ZFYVE9: variants seen among roughly 807,000 people sequenced by gnomAD.
ZFYVE9 encodes zinc finger FYVE domain-containing protein 9.
ZFYVE9 carries 43 observed loss-of-function variants against 126.7 expected under a neutral mutation model. The ratio of observed to expected loss-of-function variants is 0.34; its 90% CI spans 0.27 to 0.44. The LOEUF (loss-of-function observed/expected upper bound fraction) is 0.44. Ranked by LOEUF, ZFYVE9 falls within the 20% of genes least tolerant of loss-of-function variation. The probability of loss-of-function intolerance (pLI) is 1.00; values close to 1 mark genes in which losing one functional copy is unlikely to be tolerated. For missense variants in ZFYVE9, 1,476 were observed against 1,697.0 expected (o/e 0.87, Z 2.29); for synonymous variants, 521 against 597.4 (o/e 0.87, Z 1.87).
chr1:52,171,618 A>C (rs945483803), intron 1 of ZFYVE9, among the ~76,000 whole-genome samples: 2 of 152,152 alleles, frequency 1.3e-5, no homozygotes, highest in Admixed American at 1.3e-4. Context: ...TCCCACCAAC[A>C]GTGTAAAAGT....
At chr1:52,150,123 G>GCGC (rs776461877) in intron 1 of ZFYVE9, 2 of 152,300 alleles carry the variant, frequency 1.3e-5, no homozygotes, top group East Asian at 3.9e-4. Context: ...GGTGGCATGT[G>GCGC]CGTCTAGTCT....
At chr1:52,336,361 TTTTTTTG>T (rs1346996921) in intron 15 of ZFYVE9, among the ~76,000 whole-genome samples, 4 of 118,562 alleles carry the variant, frequency 3.4e-5, no homozygotes, top group Non-Finnish European at 5.2e-5. Context: ...TCTAAGAGGT[TTTTTTTG>T]TTTTTTTTTT....
rs752647409 is a variant in ZFYVE9, at chr1:52,293,586, C to T, written c.3159C>T (p.Tyr1053=). The T allele has an allele frequency of 2.5e-6, 4 of 1,614,046 alleles. No homozygotes were observed. The South Asian group carries it at 4.4e-5, about 18-fold the overall frequency. The change falls in exon 11 of 19, where the codon TAC becomes TAT. Residue 1053 remains tyrosine (Y), a synonymous_variant. Coordinates refer to ENST00000287727, the MANE Select transcript of ZFYVE9 (RefSeq NM_004799.4). ...ACCTAGTACTCCCAACCCCACCTTA[C>T]TTGTTTGGGATTCTTATCCAGAAAT... ...LQDLVLPTPP[Y]LFGILIQKWE...
chr1:52,267,677 A>C (rs571489280), intron 6 of ZFYVE9, among the ~76,000 whole-genome samples: 1 of 152,014 alleles, frequency 6.6e-6, no homozygotes, highest in South Asian at 2.1e-4. Flanking sequence ...TCCCTTAGTC[A>C]TACTCCTTGT....
chr1:52,232,313 A>G (rs757428532), intron 2 of ZFYVE9, among the ~76,000 whole-genome samples: 3 of 152,236 alleles, frequency 2.0e-5, no homozygotes, highest in Non-Finnish European at 4.4e-5. Context: ...CTTAACACCT[A>G]TTATGTGCCC....
At chr1:52,208,039 G>T (rs966209806) in intron 1 of ZFYVE9, among the ~76,000 whole-genome samples, 3 of 152,174 alleles carry the variant, frequency 2.0e-5, no homozygotes, top group Non-Finnish European at 4.4e-5. Flanking sequence ...ATATAGCATG[G>T]GCCGGGTATG....
At chr1:52,180,311 T>C in intron 1 of ZFYVE9, 1 of 1,584,736 alleles carries the variant, frequency 6.3e-7, no homozygotes, top group Non-Finnish European at 8.6e-7. Flanking sequence ...CCAGTTATCC[T>C]GATAGGAATC....
rs146610415 is a variant in ZFYVE9, at chr1:52,189,622, C to G, written c.-142-26747C>G. Among the ~76,000 whole-genome samples, 531 of 151,852 alleles carry G rather than the reference C, an allele frequency of 3.5e-3. 2 individuals carry two copies. Among genetic ancestry groups the G allele is most frequent in the African/African-American group, 0.012 (503 of 41,420 alleles). The stretch of plus-strand genomic sequence containing the variant: ...TTCTGGCCTCAAGTGATTTGCCTCA[C>G]TCAGCCTCTGAAAGTGCTGGGATTA... On this transcript the variant is annotated intron_variant, in intron 1 of 18. Coordinates refer to ENST00000287727, the MANE Select transcript of ZFYVE9 (RefSeq NM_004799.4).
chr1:52,326,693 C>CAAAAAAAA (rs34479038), intron 13 of ZFYVE9, among the ~76,000 whole-genome samples: 1 of 102,924 alleles, frequency 9.7e-6, no homozygotes, highest in Non-Finnish European at 1.8e-5. Flanking sequence ...TACTCAATAC[C>CAAAAAAAA]AAAAAAAAAA....
At chr1:52,199,382 A>G (rs7555187) in intron 1 of ZFYVE9, among the ~76,000 whole-genome samples, 5,294 of 152,156 alleles carry the variant, frequency 0.035, 340 homozygotes, top group African/African-American at 0.12. Flanking sequence ...TCTTTTTACT[A>G]TTTCTGTAGT....
chr1:52,236,120 T>G (rs1251651693), intron 3 of ZFYVE9, among the ~76,000 whole-genome samples: 2 of 152,186 alleles, frequency 1.3e-5, no homozygotes, highest in Non-Finnish European at 2.9e-5. Context: ...ATTAGATGTT[T>G]GTACGTGTCT....
At chr1:52,345,764 T>G (rs549236138) in intron 18 of ZFYVE9, 4 of 237,314 alleles carry the variant, frequency 1.7e-5, no homozygotes, top group Non-Finnish European at 3.2e-5. Flanking sequence ...AACCAAAGAT[T>G]AAGGTATTAT....
chr1:52,346,386 G>C lies in ZFYVE9; in HGVS notation c.*165G>C, dbSNP rs1052253866. Reference sequence around the variant, plus strand: ...GGGAGACGGGTGGGAAAGGGTGGTTGGGGGGACCGATGTTCCATAATTCTA... The same window carrying C: ...GGGAGACGGGTGGGAAAGGGTGGTTCGGGGGACCGATGTTCCATAATTCTA... On this transcript the variant is annotated 3_prime_UTR_variant, in exon 19 of 19. Coordinates refer to ENST00000287727, the MANE Select transcript of ZFYVE9 (RefSeq NM_004799.4). The C allele has an allele frequency of 2.8e-6, 2 of 703,644 alleles. No individual in the cohort carries two copies. Among genetic ancestry groups the C allele is most frequent in the Admixed American group, 6.6e-5 (2 of 30,392 alleles). 43.6% of individuals were successfully genotyped at this position (703,644 alleles called of 1,614,324 possible).
intron 1 of ZFYVE9, among the ~76,000 whole-genome samples, chr1:52,156,563 G>A (rs1418098477): frequency 3.3e-5 from 5 of 152,176 alleles, no homozygotes; most frequent in African/African-American, 9.7e-5. Context: ...TCAAAGACCC[G>A]GGGTGGGAGT....
chr1:52,291,645 A>G (rs1443751002), intron 10 of ZFYVE9, among the ~76,000 whole-genome samples: 4 of 152,176 alleles, frequency 2.6e-5, no homozygotes, highest in Non-Finnish European at 5.9e-5. Context: ...TGGGAGGCCA[A>G]GGCGGGTGGA....
intron 3 of ZFYVE9, among the ~76,000 whole-genome samples, chr1:52,237,182 T>G (rs1402071925): frequency 6.6e-6 from 1 of 152,160 alleles, no homozygotes; most frequent in East Asian, 1.9e-4. Flanking sequence ...CTGTCCTGGC[T>G]TTGCTCAATC....
chr1:52,293,710 A>ATTTTAGTCATCATGCCT, intron 11 of ZFYVE9, 33 bp downstream of exon 11: 3 of 1,572,610 alleles, frequency 1.9e-6, no homozygotes, highest in Non-Finnish European at 2.6e-6. Flanking sequence ...TCAAGGCATG[A>ATTTTAGTCATCATGCCT]TGACTAAAAT....
rs532516732 is a variant in ZFYVE9 at position 52,218,045 on chromosome 1, C to T, written c.-37+1571C>T. On this transcript the variant is annotated intron_variant, in intron 2 of 18. Coordinates refer to ENST00000287727, the MANE Select transcript of ZFYVE9 (RefSeq NM_004799.4). ...CAGAATAAGATAGACTCGAACCTGG[C>T]GGCTATTTGGTTTTGAGCTTTGAAT... is the stretch of plus-strand genomic sequence containing the variant. Among the ~76,000 whole-genome samples, 13 of 152,266 alleles carry T rather than the reference C, an allele frequency of 8.5e-5. No homozygotes were observed. In the East Asian group the frequency reaches 1.2e-3, roughly 14 times the overall value.
At chr1:52,204,959 T>G (rs981492190) in intron 1 of ZFYVE9, among the ~76,000 whole-genome samples, 1 of 152,186 alleles carries the variant, frequency 6.6e-6, no homozygotes, top group African/African-American at 2.4e-5. Context: ...GCCCGACATC[T>G]GGTTCCCACA....
Sources: gnomAD v4.1 joint callset for allele counts (sites outside exome capture counted in the v4.1 genomes callset) on GRCh38, gnomAD v4.1.1 for gene constraint, MANE v1.5 for transcripts, NCBI Gene and HGNC (gene_info 2026-07-23, HGNC 2026-07-21) for gene names.